DAB1: variants seen among roughly 807,000 people sequenced by gnomAD.
DAB1 encodes the protein disabled homolog 1.
In DAB1, 15 loss-of-function variants were observed where a neutral mutation model predicts 64.6. The ratio of observed to expected loss-of-function variants is 0.23; its 90% confidence interval spans 0.16 to 0.36. The LOEUF (loss-of-function observed/expected upper bound fraction) is 0.36, where lower values mean the gene tolerates loss of function less well. DAB1 is among the 10% of genes least tolerant of loss of function. The pLI is 1.00. For synonymous variants in DAB1, 235 were observed against 251.9 expected, an observed-to-expected ratio of 0.93 and a Z score of 0.64; for missense variants, 596 against 706.7, an observed-to-expected ratio of 0.84 and a Z score of 1.78.
intron 2 of DAB1, among the ~76,000 whole-genome samples, chr1:57,177,148 A>G (rs1438483335): frequency 1.3e-5 from 2 of 152,084 alleles, no homozygotes; most frequent in African/African-American, 4.8e-5. Context: ...ATCAACCAGC[A>G]CTTACCTTCT....
chr1:57,295,455 A>G (rs1250291795), intron 1 of DAB1, among the ~76,000 whole-genome samples: 1 of 152,174 alleles, frequency 6.6e-6, no homozygotes, highest in East Asian at 1.9e-4. Context: ...ACTTAGCTTC[A>G]TCCAAGGTAT....
At position 57,367,024 on chromosome 1, in the gene DAB1, C is replaced by T. The variant is rs190052655; in HGVS notation, c.-137+56906G>A. Among the ~76,000 whole-genome samples the T allele has an allele frequency of 5.5e-4, 73 of 131,810 alleles. 1 individual carries two copies. The East Asian group carries it at 0.014, about 25-fold the overall frequency. 86.5% of individuals were successfully genotyped at this position (131,810 alleles called of 152,430 possible). A position where few individuals can be genotyped will look rare whatever the true frequency, so the allele number is the denominator to read the frequency against. On this transcript the variant is annotated intron_variant, in intron 1 of 14. Coordinates refer to ENST00000371236, the MANE Select transcript of DAB1 (RefSeq NM_001365792.1). ...GAGTTCGAGACCAGCCTGGGCAACA[C>T]AGTGAGACCCTGTCTCCACAAAATA...
At chr1:58,308,617 G>A (rs1209215406) in intron 4 of DAB1, among the ~76,000 whole-genome samples, 1 of 152,132 alleles carries the variant, frequency 6.6e-6, no homozygotes, top group Non-Finnish European at 1.5e-5. Context: ...CACTCTGAAT[G>A]TCTTTAAGGA....
chr1:57,920,102 T>C (rs1488514096), intron 5 of DAB1, among the ~76,000 whole-genome samples: 1 of 152,208 alleles, frequency 6.6e-6, no homozygotes, highest in East Asian at 1.9e-4. Context: ...TTTATTGATG[T>C]GGCTATTAAG....
intron 3 of DAB1, among the ~76,000 whole-genome samples, chr1:58,458,813 TCAAA>T (rs1553184193): frequency 6.0e-5 from 9 of 150,556 alleles, no homozygotes; most frequent in Non-Finnish European, 1.2e-4. Context: ...AGATTCTGTC[TCAAA>T]CAAACAAACA....
rs1349220219 is a variant in DAB1, at chr1:58,366,782, C to T, written n.258-23379G>A. On this transcript the variant is annotated intron_variant and non_coding_transcript_variant, in intron 3 of 20. Coordinates refer to the DAB1 transcript ENST00000485760. ...TGTGTCCAGGGACCAGCAGGCAAGA[C>T]GTGGAGTCACTGTATTAGTAAGGGT... 8.5e-5 allele frequency among the ~76,000 whole-genome samples: 13 copies of T among 152,292 alleles called. No individual in the cohort carries two copies. In the East Asian group the frequency reaches 1.2e-3, roughly 14 times the overall value.
intron 1 of DAB1, among the ~76,000 whole-genome samples, chr1:57,295,665 A>G (rs746782437): frequency 2.6e-5 from 4 of 152,166 alleles, no homozygotes; most frequent in Non-Finnish European, 5.9e-5. Flanking sequence ...AAAGATACAC[A>G]GGATAAACAA....
At chr1:58,247,800 C>T (rs1304562232) in intron 4 of DAB1, among the ~76,000 whole-genome samples, 1 of 149,016 alleles carries the variant, frequency 6.7e-6, no homozygotes, top group Admixed American at 6.7e-5. Context: ...ACCCCACCCC[C>T]ACCTCCCACC....
chr1:57,732,407 G>C (rs1647477820), intron 6 of DAB1, among the ~76,000 whole-genome samples: 1 of 152,212 alleles, frequency 6.6e-6, no homozygotes, highest in Non-Finnish European at 1.5e-5. Context: ...CAGGATCAGA[G>C]CAGCCTGAGC....
At chr1:57,732,691 G>A (rs1488250577) in intron 6 of DAB1, among the ~76,000 whole-genome samples, 1 of 152,188 alleles carries the variant, frequency 6.6e-6, no homozygotes, top group African/African-American at 2.4e-5. Context: ...AGGAAGACTT[G>A]TGAGAAATGA....
intron 9 of DAB1, among the ~76,000 whole-genome samples, chr1:57,042,843 TCA>T (rs1195071247): frequency 5.3e-5 from 8 of 151,112 alleles, no homozygotes; most frequent in Non-Finnish European, 1.2e-4. Context: ...ATACACACGA[TCA>T]CACACACACA....
At chr1:57,345,409 T>A (rs1237977094) in intron 1 of DAB1, among the ~76,000 whole-genome samples, 5 of 152,028 alleles carry the variant, frequency 3.3e-5, no homozygotes, top group African/African-American at 1.2e-4. Context: ...ATAAGGATGG[T>A]CAATAAAGGG....
intron 4 of DAB1, among the ~76,000 whole-genome samples, chr1:58,170,949 C>T (rs1050267380): frequency 2.0e-5 from 3 of 152,178 alleles, no homozygotes; most frequent in African/African-American, 7.2e-5. Flanking sequence ...GCAGCCTTCT[C>T]AGTGTTAATC....
chr1:57,511,172 C>T (rs1296739859), intron 7 of DAB1, among the ~76,000 whole-genome samples: 2 of 152,164 alleles, frequency 1.3e-5, no homozygotes, highest in Non-Finnish European at 2.9e-5. Flanking sequence ...CACAGTGGAA[C>T]CACCAAATAG....
intron 4 of DAB1, among the ~76,000 whole-genome samples, chr1:58,152,474 C>T (rs2100735442): frequency 6.6e-6 from 1 of 152,316 alleles, no homozygotes; most frequent in Non-Finnish European, 1.5e-5. Context: ...ACAAGCCTTC[C>T]TCCTGGGCAG....
intron 7 of DAB1, among the ~76,000 whole-genome samples, chr1:57,530,302 T>G (rs572650880): frequency 6.6e-6 from 1 of 152,320 alleles, no homozygotes; most frequent in African/African-American, 2.4e-5. Context: ...CCTATGTTCC[T>G]TTTTCTCTAC....
intron 5 of DAB1, among the ~76,000 whole-genome samples, chr1:57,973,601 TA>T (rs1025009060): frequency 3.9e-5 from 6 of 151,906 alleles, no homozygotes; most frequent in African/African-American, 1.5e-4. Flanking sequence ...ATACACATCC[TA>T]AAACCTGGCA....
chr1:58,476,496 G>C (rs1645420403), intron 3 of DAB1, among the ~76,000 whole-genome samples: 1 of 152,192 alleles, frequency 6.6e-6, no homozygotes, highest in African/African-American at 2.4e-5. Flanking sequence ...GGAGGTCTGG[G>C]TGATTCAGAG....
intron 5 of DAB1, among the ~76,000 whole-genome samples, chr1:57,892,484 T>C (rs1393047457): frequency 6.6e-6 from 1 of 152,210 alleles, no homozygotes; most frequent in Admixed American, 6.5e-5. Context: ...AGGTCACTAT[T>C]AATATTATTT....
Sources: allele counts gnomAD v4.1 joint callset (sites outside exome capture counted in the v4.1 genomes callset), GRCh38; gene constraint gnomAD v4.1.1; transcripts MANE v1.5; gene names NCBI Gene and HGNC (gene_info 2026-07-23, HGNC 2026-07-21).